Variants in SRSF6 observed in about 807,000 individuals in gnomAD.
SRSF6 encodes the protein serine/arginine-rich splicing factor 6.
A neutral mutation model predicts 42.0 loss-of-function variants in SRSF6; 17 were observed. That is an observed-to-expected ratio of 0.40 (90% CI 0.28 to 0.61). The LOEUF is 0.61. Ranked by LOEUF, SRSF6 falls within the 20% of genes least tolerant of loss-of-function variation. The probability of loss-of-function intolerance (pLI) is 0.37; values close to 1 mark genes in which losing one functional copy is unlikely to be tolerated. For missense variants in SRSF6, 379 were observed against 471.4 expected (o/e 0.80, Z 1.81); for synonymous variants, 204 against 166.7 (o/e 1.22, Z -1.72).
Position 43,460,805 on chromosome 20 carries a change from A to G in SRSF6, c.777A>G (p.Ser259=), listed in dbSNP as rs1329953891. 2 of 1,614,074 alleles carry G rather than the reference A, an allele frequency of 1.2e-6. No homozygotes were observed. The highest frequency in any genetic ancestry group is 1.7e-6 in the Non-Finnish European group (2 of 1,180,036). ...SKPKSDRGSH[S]HSRSRSKDEY... is the part of the protein sequence containing the mutation. ...CCAAGTCTGATCGGGGCTCCCATTCACATTCTCGAAGCAGATCTAAGGATG... is the reference window on the plus strand; with the variant it reads ...CCAAGTCTGATCGGGGCTCCCATTCGCATTCTCGAAGCAGATCTAAGGATG... The change falls in exon 6 of 6, where the codon TCA becomes TCG. Residue 259 remains serine, a synonymous_variant. Transcript: ENST00000244020.
chr20:43,458,556 CGGGGGTGGGTGGGGT>C (rs1568899610), intron 2 of SRSF6, 47 bp downstream of exon 2: 5 of 1,422,908 alleles, frequency 3.5e-6, no homozygotes, highest in Non-Finnish European at 4.6e-6. Context: ...ACCCTGGGGG[CGGGGGTGGGTGGGGT>C]GGGGCCTCCC....
At chr20:43,460,362 G>A (rs1253461973) in intron 4 of SRSF6, 121 bp downstream of exon 4, 14 of 1,294,608 alleles carry the variant, frequency 1.1e-5, no homozygotes, top group East Asian at 9.6e-5. Flanking sequence ...TTTTGGCTGT[G>A]CATCATTGCG....
rs531172013 is a variant in SRSF6, at chr20:43,463,402, G to C, written c.*2339G>C. On this transcript the variant is annotated 3_prime_UTR_variant, in exon 6 of 6. Transcript: ENST00000244020. Reference sequence around the variant, plus strand: ...TACCAGTGGCTAGATGGAGTATTAAGGTGGAGCAGAAAAGAAGTGAGAACA... The same window carrying C: ...TACCAGTGGCTAGATGGAGTATTAACGTGGAGCAGAAAAGAAGTGAGAACA... The C allele has an allele frequency of 6.5e-6, 1 of 154,800 alleles. No individual in the cohort carries two copies. The highest frequency in any genetic ancestry group is 1.5e-5 in the Non-Finnish European group (1 of 68,206). The allele number at this position is 154,800 out of a possible 1,614,324, so 9.6% of individuals were successfully genotyped here.
Position 43,463,682 on chromosome 20 carries a change from A to G in SRSF6, c.*2619A>G, listed in dbSNP as rs1200221037. On this transcript the variant is annotated 3_prime_UTR_variant, in exon 6 of 6. Coordinates refer to ENST00000244020, the MANE Select transcript of SRSF6 (RefSeq NM_006275.6). ...AATGTTTTTTTGAATTGGAGTTTGC[A>G]TTGGCAAGCCATTCCTGTCTTGAGT... 3 of 152,562 alleles carry G rather than the reference A, an allele frequency of 2.0e-5. No homozygotes were observed. The highest frequency in any genetic ancestry group is 7.2e-5 in the African/African-American group (3 of 41,464). 9.5% of individuals were successfully genotyped at this position (152,562 alleles called of 1,614,324 possible). A position where few individuals can be genotyped will look rare whatever the true frequency, so the allele number is the denominator to read the frequency against.
Position 43,460,149 on chromosome 20 carries a change from G to C in SRSF6, c.498G>C (p.Leu166=). The C allele has an allele frequency of 6.2e-7, 1 of 1,614,170 alleles. No individual in the cohort carries two copies. Among genetic ancestry groups the C allele is most frequent in the Non-Finnish European group, 8.5e-7 (1 of 1,180,036 alleles). Residue 166 remains leucine (L), a synonymous_variant, in exon 4 of 6, where the codon CTG becomes CTC. Coordinates refer to ENST00000244020, the MANE Select transcript of SRSF6 (RefSeq NM_006275.6). Reference sequence around the variant, plus strand: ...ACATGAAGCGTGCTTTGGACAAACTGGATGGCACAGAAATAAATGGCAGAA... The same window carrying C: ...ACATGAAGCGTGCTTTGGACAAACTCGATGGCACAGAAATAAATGGCAGAA... The part of the protein sequence containing the change: ...YSDMKRALDK[L]DGTEINGRNI...
Position 43,457,947 on chromosome 20 carries a change from T to C in SRSF6, c.-87T>C, listed in dbSNP as rs2017521590. ...TGTGGTGTGAGGCGCGTGTTCGGGC[T>C]CTTGCCGTCCCCGCACCCGCACCGC... On this transcript the variant is annotated 5_prime_UTR_variant, in exon 1 of 6. Coordinates refer to ENST00000244020, the MANE Select transcript of SRSF6 (RefSeq NM_006275.6). 1 of 1,141,660 alleles carries C rather than the reference T, an allele frequency of 8.8e-7. No homozygotes were observed. Among genetic ancestry groups the C allele is most frequent in the South Asian group, 1.3e-5 (1 of 76,162 alleles). The allele number at this position is 1,141,660 out of a possible 1,614,324, so 70.7% of individuals were successfully genotyped here. A position where few individuals can be genotyped will look rare whatever the true frequency, so the allele number is the denominator to read the frequency against.
intron 1 of SRSF6, 39 bp from the exon 2 acceptor site, chr20:43,458,322 G>C (rs1291593923): frequency 6.7e-7 from 1 of 1,493,924 alleles, no homozygotes; most frequent in Non-Finnish European, 8.9e-7. Flanking sequence ...CCTGGCTAAC[G>C]ACTCCCCCGC....
chr20:43,458,567 G>A, intron 2 of SRSF6, 58 bp downstream of exon 2: 1 of 1,420,580 alleles, frequency 7.0e-7, no homozygotes, highest in South Asian at 1.4e-5. Context: ...GGGGGTGGGT[G>A]GGGTGGGGCC....
rs2017558190 is a variant in SRSF6 at position 43,460,022 on chromosome 20, T to C, written c.382-11T>C. The C allele has an allele frequency of 1.2e-6, 2 of 1,614,122 alleles. No individual in the cohort carries two copies. Among genetic ancestry groups the C allele is most frequent in the African/African-American group, 1.3e-5 (1 of 74,954 alleles). On this transcript the variant is annotated splice_polypyrimidine_tract_variant and intron_variant, in intron 3 of 5. Coordinates refer to ENST00000244020, the MANE Select transcript of SRSF6 (RefSeq NM_006275.6). ...TTAAGATTTCCGAGTCTGACCAATCTTGTCTTTCAGGATTTTATGCGACAA... is the reference window on the plus strand; with the variant it reads ...TTAAGATTTCCGAGTCTGACCAATCCTGTCTTTCAGGATTTTATGCGACAA...
At position 43,462,460 on chromosome 20, in the gene SRSF6, T is replaced by C. The variant is rs2017619647; in HGVS notation, c.*1397T>C. On this transcript the variant is annotated 3_prime_UTR_variant, in exon 6 of 6. Transcript: ENST00000244020. The stretch of plus-strand genomic sequence containing the variant: ...GAAATCAAAATATAGATTAATTGGC[T>C]CAGCTTTAATACCTTTCTAGGAGGT... 6.6e-6 allele frequency: 1 copy of C among 152,224 alleles called. No individual in the cohort carries two copies. Among genetic ancestry groups the C allele is most frequent in the Non-Finnish European group, 1.5e-5 (1 of 68,030 alleles). The allele number at this position is 152,224 out of a possible 1,614,324, so 9.4% of individuals were successfully genotyped here.
intron 2 of SRSF6, chr20:43,459,129 G>C: frequency 1.5e-6 from 2 of 1,351,650 alleles, no homozygotes; most frequent in South Asian, 1.1e-5. Flanking sequence ...TTTTTAACAA[G>C]TCCTTGATGT....
rs550034110 is a variant in SRSF6, at chr20:43,461,728, T to C, written c.*665T>C. ...AGTTAATCAAATTTGCCAAAGTCTTTATCTGCCCCTTTAACAAGTTGAGTA... is the reference window on the plus strand; with the variant it reads ...AGTTAATCAAATTTGCCAAAGTCTTCATCTGCCCCTTTAACAAGTTGAGTA... On this transcript the variant is annotated 3_prime_UTR_variant, in exon 6 of 6. Coordinates refer to ENST00000244020, the MANE Select transcript of SRSF6 (RefSeq NM_006275.6). 7.9e-5 allele frequency: 12 copies of C among 152,786 alleles called. No homozygotes were observed. Among genetic ancestry groups the C allele is most frequent in the African/African-American group, 2.9e-4 (12 of 41,590 alleles). 9.5% of individuals were successfully genotyped at this position (152,786 alleles called of 1,614,324 possible). A position where few individuals can be genotyped will look rare whatever the true frequency, so the allele number is the denominator to read the frequency against.
In SRSF6 at chr20:43,458,399, A is replaced by G; in HGVS notation, c.146A>G (p.Asp49Gly). Residue 49 changes from aspartate to glycine, a missense_variant, in exon 2 of 6, where the codon GAC becomes GGC. By Grantham distance (94) the Asp-to-Gly change is moderately conservative. This residue lies in a region of SRSF6 where 117 missense variants were observed against 146.8 expected (regional missense o/e 0.80). Coordinates refer to ENST00000244020, the MANE Select transcript of SRSF6 (RefSeq NM_006275.6). Reference protein sequence around the residue: ...FVEFEDSRDADDAVYELNGKE... With the variant: ...FVEFEDSRDAGDAVYELNGKE... Reference sequence around the variant, plus strand: ...GAGTTCGAGGACTCCCGCGACGCCGACGACGCCGTTTACGAGCTGAACGGC... The same window carrying G: ...GAGTTCGAGGACTCCCGCGACGCCGGCGACGCCGTTTACGAGCTGAACGGC... 3.2e-6 allele frequency: 5 copies of G among 1,557,100 alleles called. No individual in the cohort carries two copies. The highest frequency in any genetic ancestry group is 3.5e-6 in the Non-Finnish European group (4 of 1,155,688).
rs1003234011 is a variant in SRSF6, at chr20:43,461,287, T to C, written c.*224T>C. 4.0e-5 allele frequency: 17 copies of C among 427,392 alleles called. No individual in the cohort carries two copies. Among genetic ancestry groups the C allele is most frequent in the Admixed American group, 2.3e-4 (5 of 22,014 alleles). 26.5% of individuals were successfully genotyped at this position (427,392 alleles called of 1,614,324 possible). ...TAGAATTAAGATAACTTTGATTTTA[T>C]AGCTTTTGAGCTAACGTAACTTTTG... On this transcript the variant is annotated 3_prime_UTR_variant, in exon 6 of 6. Transcript: ENST00000244020.
In SRSF6 at chr20:43,461,085, A is replaced by T; in HGVS notation, c.*22A>T. The T allele has an allele frequency of 3.9e-6, 6 of 1,533,438 alleles. No homozygotes were observed. The Middle Eastern group carries it at 5.3e-4, about 136-fold the overall frequency. 95.0% of individuals were successfully genotyped at this position (1,533,438 alleles called of 1,614,324 possible). On this transcript the variant is annotated 3_prime_UTR_variant, in exon 6 of 6. Transcript: ENST00000244020. ...TTAACTCAGAACTCCTTGTTTGCAC[A>T]TTATTATGGAACACTTTCCTACTTA... is the stretch of plus-strand genomic sequence containing the variant.
At position 43,461,337 on chromosome 20, in the gene SRSF6, G is replaced by GTTTTGTTTTTTT. The variant is rs2017589627; in HGVS notation, c.*278_*279insGTTTTTTTTTTT. ...GTAAAGATTAAGCTCATTTAGTGTT[G>GTTTTGTTTTTTT]TTTTTTTTTTTTTTTTTTTTTTTTT... On this transcript the variant is annotated 3_prime_UTR_variant, in exon 6 of 6. Coordinates refer to ENST00000244020, the MANE Select transcript of SRSF6 (RefSeq NM_006275.6). 7 of 43,828 alleles carry GTTTTGTTTTTTT rather than the reference G, an allele frequency of 1.6e-4. No individual in the cohort carries two copies. The highest frequency in any genetic ancestry group is 5.7e-4 in the African/African-American group (7 of 12,240). 2.7% of individuals were successfully genotyped at this position (43,828 alleles called of 1,614,324 possible). A position where few individuals can be genotyped will look rare whatever the true frequency, so the allele number is the denominator to read the frequency against.
rs776929201 is a variant in SRSF6 at position 43,460,590 on chromosome 20, T to C, written c.666T>C (p.Ser222=). Residue 222 remains serine, a synonymous_variant, in exon 5 of 6, where the codon AGT becomes AGC. Transcript: ENST00000244020. The part of the protein sequence containing the change: ...SRSRSRSISK[S]RSRSRSRSKG... ...GTAGATCTCGAAGTATCTCAAAAAG[T>C]CGCTCCCGGTAAATAACGTTGTGTT... 1 of 1,614,196 alleles carries C rather than the reference T, an allele frequency of 6.2e-7. No individual in the cohort carries two copies. The highest frequency in any genetic ancestry group is 1.1e-5 in the South Asian group (1 of 91,084).
rs187173558 is a variant in SRSF6, at chr20:43,461,070, A to G, written c.*7A>G. ...GTCGAGTTCCAGAGATTAACTCAGA[A>G]CTCCTTGTTTGCACATTATTATGGA... On this transcript the variant is annotated 3_prime_UTR_variant, in exon 6 of 6. Coordinates refer to ENST00000244020, the MANE Select transcript of SRSF6 (RefSeq NM_006275.6). 466 of 1,551,204 alleles carry G rather than the reference A, an allele frequency of 3.0e-4. 5 individuals are homozygous for G. In the East Asian group the frequency reaches 9.9e-3, roughly 33 times the overall value.
rs1386719471 is a variant in SRSF6 at position 43,464,065 on chromosome 20, A to C, written c.*3002A>C. 6.6e-6 allele frequency: 1 copy of C among 152,220 alleles called. No homozygotes were observed. The highest frequency in any genetic ancestry group is 1.5e-5 in the Non-Finnish European group (1 of 68,044). The allele number at this position is 152,220 out of a possible 1,614,324, so 9.4% of individuals were successfully genotyped here. On this transcript the variant is annotated 3_prime_UTR_variant, in exon 6 of 6. Transcript: ENST00000244020. ...TGAGTAGTAGTCTGCAGTTTGCTTT[A>C]ATACATGGTAATACAGAGATCGGCT...
Sources: gnomAD v4.1 joint callset for allele counts on GRCh38, gnomAD v4.1.1 for gene constraint, gnomAD v4.1.1 regional missense constraint, MANE v1.5 for transcripts, NCBI Gene and HGNC (gene_info 2026-07-23, HGNC 2026-07-21) for gene names.